AAK1: variants seen among roughly 807,000 people sequenced by gnomAD.
AAK1 encodes the protein AP2 associated kinase 1.
AAK1 carries 37 observed loss-of-function variants against 116.0 expected under a neutral mutation model. That is an observed-to-expected ratio of 0.32 (90% CI 0.25 to 0.42). The LOEUF (loss-of-function observed/expected upper bound fraction) is 0.42, where lower values mean the gene tolerates loss of function less well. Ranked by LOEUF, AAK1 falls within the 10% of genes least tolerant of loss-of-function variation. The pLI, the probability that AAK1 is intolerant of heterozygous loss-of-function variation, is 1.00. For missense variants in AAK1, 919 were observed against 1,170.6 expected (o/e 0.79, Z 3.14); for synonymous variants, 458 against 439.9 (o/e 1.04, Z -0.51).
intron 17 of AAK1, among the ~76,000 whole-genome samples, chr2:69,492,463 C>T (rs1462756881): frequency 6.6e-6 from 1 of 151,706 alleles, no homozygotes; most frequent in Non-Finnish European, 1.5e-5. Context: ...ATCCACCTGC[C>T]TCGGCCTCCC....
At chr2:69,568,565 A>G (rs1671971655) in intron 2 of AAK1, among the ~76,000 whole-genome samples, 1 of 151,488 alleles carries the variant, frequency 6.6e-6, no homozygotes, top group East Asian at 1.9e-4. Flanking sequence ...CAAGTGGCTG[A>G]GACTAGAGGT....
At chr2:69,509,536 A>T in intron 13 of AAK1, 76 bp from the exon 14 acceptor site, 4 of 1,239,118 alleles carry the variant, frequency 3.2e-6, no homozygotes, top group Non-Finnish European at 4.5e-6. Context: ...AGATAAGTGT[A>T]ACAACAACAA....
At chr2:69,493,430 A>C (rs1239493345) in intron 17 of AAK1, among the ~76,000 whole-genome samples, 1 of 151,598 alleles carries the variant, frequency 6.6e-6, no homozygotes, top group African/African-American at 2.4e-5. Flanking sequence ...GTGTGGGGGG[A>C]CTGGCTGGGA....
chr2:69,603,941 T>G (rs1295204464), intron 2 of AAK1, among the ~76,000 whole-genome samples: 1 of 152,110 alleles, frequency 6.6e-6, no homozygotes, highest in Non-Finnish European at 1.5e-5. Context: ...GGCTGAAAAA[T>G]GAGGTATTTT....
At chr2:69,623,204 C>A (rs1674740699) in intron 2 of AAK1, among the ~76,000 whole-genome samples, 1 of 152,200 alleles carries the variant, frequency 6.6e-6, no homozygotes, top group Non-Finnish European at 1.5e-5. Flanking sequence ...ACTCTGAACA[C>A]ATCCGAACAT....
intron 6 of AAK1, chr2:69,531,651 G>A (rs1226039910): frequency 1.0e-6 from 1 of 995,064 alleles, no homozygotes; most frequent in East Asian, 1.1e-4. Flanking sequence ...GAGCAATTTA[G>A]GGTTCAGTAA....
At chr2:69,544,184 T>A in intron 4 of AAK1, 1 of 416,550 alleles carries the variant, frequency 2.4e-6, no homozygotes, top group Non-Finnish European at 4.3e-6. Flanking sequence ...ATTCTCATTC[T>A]TACACATCTT....
intron 17 of AAK1, among the ~76,000 whole-genome samples, chr2:69,490,936 C>T (rs1464364157): frequency 1.3e-5 from 2 of 151,690 alleles, no homozygotes; most frequent in Non-Finnish European, 2.9e-5. Context: ...CACACACACA[C>T]ACACACACAC....
intron 11 of AAK1, among the ~76,000 whole-genome samples, chr2:69,520,468 C>T (rs1305185028): frequency 6.6e-6 from 1 of 151,352 alleles, no homozygotes; most frequent in African/African-American, 2.4e-5. Context: ...AAGCGATTCT[C>T]CTGCCTCAGC....
At chr2:69,581,635 G>A (rs754321410) in intron 2 of AAK1, among the ~76,000 whole-genome samples, 14 of 152,136 alleles carry the variant, frequency 9.2e-5, no homozygotes, top group Non-Finnish European at 2.1e-4. Flanking sequence ...GTACATTTAT[G>A]ATAACAGGTT....
intron 2 of AAK1, among the ~76,000 whole-genome samples, chr2:69,589,829 G>A (rs1425552734): frequency 6.6e-6 from 1 of 152,104 alleles, no homozygotes; most frequent in Non-Finnish European, 1.5e-5. Context: ...GAGCGTTCAG[G>A]TACAGATAAC....
At chr2:69,512,611 GA>G (rs1437348903) in intron 13 of AAK1, among the ~76,000 whole-genome samples, 1 of 71,438 alleles carries the variant, frequency 1.4e-5, no homozygotes, top group African/African-American at 3.1e-5. Context: ...TGCTTCTTTA[GA>G]TTAGCCCTGC....
At chr2:69,564,521 C>T (rs1236389535) in intron 2 of AAK1, among the ~76,000 whole-genome samples, 1 of 152,196 alleles carries the variant, frequency 6.6e-6, no homozygotes, top group Non-Finnish European at 1.5e-5. Flanking sequence ...AAAGACTACA[C>T]CACTACAAGT....
intron 5 of AAK1, among the ~76,000 whole-genome samples, chr2:69,541,985 A>G (rs1249476355): frequency 1.3e-5 from 2 of 152,204 alleles, no homozygotes; most frequent in East Asian, 3.9e-4. Context: ...CCCTGAAGAG[A>G]CACTGTACAT....
At chr2:69,561,893 T>A (rs1008428961) in intron 2 of AAK1, among the ~76,000 whole-genome samples, 1 of 152,260 alleles carries the variant, frequency 6.6e-6, no homozygotes, top group Non-Finnish European at 1.5e-5. Context: ...TTTCTGAGAT[T>A]CATCTTCATC....
rs55889248 is a variant in AAK1, at chr2:69,507,504, G to A, written c.2081C>T (p.Thr694Met). 7.8e-3 allele frequency: 12,540 copies of A among 1,612,526 alleles called. 73 individuals carry two copies. Among genetic ancestry groups the A allele is most frequent in the Non-Finnish European group, 9.7e-3 (11,439 of 1,179,280 alleles). The change falls in exon 15 of 22, where the codon ACG (threonine) becomes ATG (methionine). Residue 694 changes from threonine to methionine, a missense_variant. Physicochemically the swap from Thr to Met is moderately conservative, Grantham distance 81. Transcript: ENST00000409085. ...ATTATCGTCATCAAAGGGATTCCAC[G>A]TAGACCCTTCTGAAGGATTATAAAC... Reference protein sequence around the residue: ...QNVYNPSEGSTWNPFDDDNFS... With the variant: ...QNVYNPSEGSMWNPFDDDNFS...
intron 12 of AAK1, chr2:69,516,616 A>C (rs942743041): frequency 6.6e-6 from 1 of 152,218 alleles, no homozygotes; most frequent in Non-Finnish European, 1.5e-5. Context: ...GCATGATCCT[A>C]GATAGCAAGG....
At position 69,472,572 on chromosome 2, in the gene AAK1, A is replaced by C; in HGVS notation, c.*3297T>G. 2 of 954,656 alleles carry C rather than the reference A, an allele frequency of 2.1e-6. No homozygotes were observed. The highest frequency in any genetic ancestry group is 2.5e-6 in the Non-Finnish European group (2 of 801,988). The allele number at this position is 954,656 out of a possible 1,614,324, so 59.1% of individuals were successfully genotyped here. On this transcript the variant is annotated 3_prime_UTR_variant, in exon 22 of 22. Coordinates refer to ENST00000409085, the MANE Select transcript of AAK1 (RefSeq NM_014911.5). ...GAAATCATTAATTATAATAATTATA[A>C]TCATACTTAGAAGTGTCCACTTAAG... is the stretch of plus-strand genomic sequence containing the variant.
intron 17 of AAK1, 50 bp from the exon 18 acceptor site, chr2:69,482,862 A>C: frequency 8.6e-7 from 1 of 1,160,096 alleles, no homozygotes; most frequent in Non-Finnish European, 1.3e-6. Flanking sequence ...GTAAGATATT[A>C]AAGCCAGCGG....
Sources: gnomAD v4.1 joint callset for allele counts (sites outside exome capture counted in the v4.1 genomes callset) on GRCh38, gnomAD v4.1.1 for gene constraint, MANE v1.5 for transcripts, NCBI Gene and HGNC (gene_info 2026-07-23, HGNC 2026-07-21) for gene names.